Variants in PLEKHA5 observed in about 807,000 individuals in gnomAD.
PLEKHA5 encodes the protein pleckstrin homology domain-containing family A member 5.
A neutral mutation model predicts 181.9 loss-of-function variants in PLEKHA5; 55 were observed. The ratio of observed to expected loss-of-function variants is 0.30; its 90% CI spans 0.24 to 0.38. The LOEUF is 0.38. PLEKHA5 is among the 10% of genes least tolerant of loss of function. The pLI is 1.00. For missense variants in PLEKHA5, 1,432 were observed against 1,549.5 expected (o/e 0.92, Z 1.27); for synonymous variants, 535 against 529.4 (o/e 1.01, Z -0.15).
rs199818648 is a variant in PLEKHA5 at position 19,349,942 on chromosome 12, C to A, written c.3019+1423C>A. Among the ~76,000 whole-genome samples the A allele has an allele frequency of 2.9e-4, 44 of 152,138 alleles. No individual in the cohort carries two copies. In the East Asian group the frequency reaches 3.7e-3, roughly 13 times the overall value. On this transcript the variant is annotated intron_variant, in intron 25 of 31. Coordinates refer to ENST00000429027, the MANE Select transcript of PLEKHA5 (RefSeq NM_001256470.2). Reference sequence around the variant, plus strand: ...CCTGGCTAACATGGTGAAACCCTGTCTCTACTAAAAATACAAAAAATTAGC... The same window carrying A: ...CCTGGCTAACATGGTGAAACCCTGTATCTACTAAAAATACAAAAAATTAGC...
chr12:19,198,327 T>A (rs1365035332), intron 3 of PLEKHA5, among the ~76,000 whole-genome samples: 6 of 152,170 alleles, frequency 3.9e-5, no homozygotes, highest in African/African-American at 7.2e-5. Context: ...CCTTCTTTCA[T>A]CTCAGATATG....
At chr12:19,184,731 A>T (rs1037658649) in intron 3 of PLEKHA5, among the ~76,000 whole-genome samples, 1 of 152,194 alleles carries the variant, frequency 6.6e-6, no homozygotes, top group African/African-American at 2.4e-5. Context: ...TGAGATCTAC[A>T]TTTGGTTTTT....
chr12:19,217,142 C>A (rs562864142), intron 3 of PLEKHA5, among the ~76,000 whole-genome samples: 1 of 152,138 alleles, frequency 6.6e-6, no homozygotes. Flanking sequence ...GTATTATAAT[C>A]AAAAACACAG....
intron 11 of PLEKHA5, among the ~76,000 whole-genome samples, chr12:19,280,047 T>G (rs1312106832): frequency 3.8e-5 from 5 of 132,526 alleles, no homozygotes; most frequent in Admixed American, 8.0e-5. Flanking sequence ...TTTTTTTTTT[T>G]TTTTTTTTTT....
At chr12:19,284,877 A>G (rs975432962) in intron 12 of PLEKHA5, among the ~76,000 whole-genome samples, 2 of 152,152 alleles carry the variant, frequency 1.3e-5, no homozygotes, top group South Asian at 4.1e-4. Context: ...AGGCTGTAGT[A>G]AGCTGTGATT....
intron 3 of PLEKHA5, among the ~76,000 whole-genome samples, chr12:19,156,109 C>A (rs1025804299): frequency 6.6e-6 from 1 of 152,038 alleles, no homozygotes; most frequent in Non-Finnish European, 1.5e-5. Context: ...TCAGTTATCG[C>A]GCAAAGTTCT....
chr12:19,260,923 T>A (rs556370597), intron 6 of PLEKHA5, 26 bp from the exon 7 acceptor site: 2 of 1,375,412 alleles, frequency 1.5e-6, no homozygotes, highest in East Asian at 4.7e-5. Flanking sequence ...TGAGAAATAA[T>A]CCTTAAATAT....
At chr12:19,189,626 G>A (rs2050638076) in intron 3 of PLEKHA5, among the ~76,000 whole-genome samples, 1 of 152,144 alleles carries the variant, frequency 6.6e-6, no homozygotes, top group Admixed American at 6.5e-5. Context: ...GAAAGCCAAT[G>A]GAAATTTCAG....
intron 3 of PLEKHA5, among the ~76,000 whole-genome samples, chr12:19,163,788 T>C (rs1026154501): frequency 2.0e-5 from 3 of 152,150 alleles, no homozygotes; most frequent in Non-Finnish European, 4.4e-5. Context: ...CAGTAAACAC[T>C]CAGTGGCTCT....
chr12:19,268,881 A>T (rs2071504676), intron 8 of PLEKHA5, among the ~76,000 whole-genome samples: 2 of 152,204 alleles, frequency 1.3e-5, no homozygotes, highest in African/African-American at 2.4e-5. Context: ...TTATTAAGGA[A>T]CAGCTCAAAA....
intron 31 of PLEKHA5, chr12:19,372,774 CT>C (rs1178948068): frequency 1.2e-3 from 161 of 139,298 alleles, no homozygotes; most frequent in Middle Eastern, 7.5e-3. Flanking sequence ...TTTCTTTTTT[CT>C]TTTTTTTTTT....
In PLEKHA5 at chr12:19,358,374, T is replaced by A; in HGVS notation, c.3285T>A (p.Ala1095=). 1 of 1,613,850 alleles carries A rather than the reference T, an allele frequency of 6.2e-7. No homozygotes were observed. Among genetic ancestry groups the A allele is most frequent in the Non-Finnish European group, 8.5e-7 (1 of 1,179,880 alleles). ...AAAAAGGGTTAAATGTTATCGGTGC[T>A]TCAGACCAGTCACCCTTACAAAGCC... The part of the protein sequence containing the change: ...EKKKGLNVIG[A]SDQSPLQSPS... The change falls in exon 27 of 32, where the codon GCT becomes GCA. Residue 1095 remains alanine (A), a synonymous_variant. Coordinates refer to ENST00000429027, the MANE Select transcript of PLEKHA5 (RefSeq NM_001256470.2).
chr12:19,176,020 T>A (rs2047111291), intron 3 of PLEKHA5, among the ~76,000 whole-genome samples: 1 of 152,152 alleles, frequency 6.6e-6, no homozygotes, highest in Admixed American at 6.5e-5. Flanking sequence ...ATTCTGTAAT[T>A]CTGTTTCTGG....
intron 3 of PLEKHA5, among the ~76,000 whole-genome samples, chr12:19,139,525 T>G (rs1244702094): frequency 6.6e-6 from 1 of 152,318 alleles, no homozygotes; most frequent in Non-Finnish European, 1.5e-5. Flanking sequence ...CAACAAATGC[T>G]TATTGAATAT....
At chr12:19,281,246 T>C (rs1009417406) in intron 11 of PLEKHA5, among the ~76,000 whole-genome samples, 7 of 148,154 alleles carry the variant, frequency 4.7e-5, no homozygotes, top group Admixed American at 1.3e-4. Context: ...AAAAAAAGTA[T>C]GTTTGTATTT....
intron 3 of PLEKHA5, among the ~76,000 whole-genome samples, chr12:19,249,459 A>G (rs1192214533): frequency 4.6e-5 from 7 of 152,176 alleles, no homozygotes; most frequent in Non-Finnish European, 8.8e-5. Context: ...ATTTCATCAC[A>G]CTACTCAGAA....
Position 19,376,009 on chromosome 12 carries a change from AT to A in PLEKHA5, c.*493del, listed in dbSNP as rs1439773135. 1 of 152,244 alleles carries A rather than the reference AT, an allele frequency of 6.6e-6. No homozygotes were observed. Among genetic ancestry groups the A allele is most frequent in the East Asian group, 1.9e-4 (1 of 5,164 alleles). The allele number at this position is 152,244 out of a possible 1,614,324, so 9.4% of individuals were successfully genotyped here. A position where few individuals can be genotyped will look rare whatever the true frequency, so the allele number is the denominator to read the frequency against. On this transcript the variant is annotated 3_prime_UTR_variant, in exon 32 of 32. Transcript: ENST00000429027. Reference sequence around the variant, plus strand: ...ATTTGTAAAAATTTTATATATATGTATTTAAAATGTGCCATTTTATTGCTAA... The same window carrying A: ...ATTTGTAAAAATTTTATATATATGTATTAAAATGTGCCATTTTATTGCTAA...
rs936006355 is a variant in PLEKHA5, at chr12:19,321,334, CCTTTTCTTTT to C, written c.2217+731_2217+740del. ...CATACATTCTTCACTCATTATACCCCCTTTTCTTTTCTTTTCTTTTCTTTTCTTTTTTTTT... is the reference window on the plus strand; with the variant it reads ...CATACATTCTTCACTCATTATACCCCCTTTTCTTTTCTTTTCTTTTTTTTT... On this transcript the variant is annotated intron_variant, in intron 18 of 31. Transcript: ENST00000429027. Among the ~76,000 whole-genome samples, 211 of 104,966 alleles carry C rather than the reference CCTTTTCTTTT, an allele frequency of 2.0e-3. 1 individual carries two copies. The highest frequency in any genetic ancestry group is 2.8e-3 in the African/African-American group (81 of 29,392). The allele number at this position is 104,966 out of a possible 152,430, so 68.9% of individuals were successfully genotyped here. A position where few individuals can be genotyped will look rare whatever the true frequency, so the allele number is the denominator to read the frequency against.
rs763081799 is a variant in PLEKHA5 at position 19,283,658 on chromosome 12, T to A, written c.1692T>A (p.Pro564=). 53 of 1,613,992 alleles carry A rather than the reference T, an allele frequency of 3.3e-5. No homozygotes were observed. The South Asian group carries it at 5.7e-4, about 17-fold the overall frequency. The change falls in exon 12 of 32, where the codon CCT becomes CCA. Residue 564 remains proline, a synonymous_variant. Coordinates refer to ENST00000429027, the MANE Select transcript of PLEKHA5 (RefSeq NM_001256470.2). ...TAGCTGCTTATCAGGGATACTCCCC[T>A]CAACGAACTTACAGATCGGAAGTGT... ...GSIAAYQGYS[P]QRTYRSEVSS... is the part of the protein sequence containing the mutation.
Sources: allele counts gnomAD v4.1 joint callset (sites outside exome capture counted in the v4.1 genomes callset), GRCh38; gene constraint gnomAD v4.1.1; transcripts MANE v1.5; gene names NCBI Gene and HGNC (gene_info 2026-07-23, HGNC 2026-07-21).